NCK1: variants seen among roughly 807,000 people sequenced by gnomAD.
NCK1 encodes the protein NCK adaptor protein 1.
Under a neutral mutation model 36.6 loss-of-function variants are expected in NCK1, and 19 were observed. That is an observed-to-expected ratio of 0.52 (90% confidence interval 0.36 to 0.76). The LOEUF (loss-of-function observed/expected upper bound fraction) is 0.76. Ranked by LOEUF, NCK1 falls within the 30% of genes least tolerant of loss-of-function variation. The probability of loss-of-function intolerance (pLI) is 0.00; values close to 1 mark genes in which losing one functional copy is unlikely to be tolerated. For missense variants in NCK1, 358 were observed against 445.6 expected (o/e 0.80, Z 1.77); for synonymous variants, 165 against 156.0 (o/e 1.06, Z -0.43).
At position 136,949,819 on chromosome 3, in the gene NCK1, T is replaced by C. The variant is rs1347364038; in HGVS notation, c.*1366T>C. The C allele has an allele frequency of 1.4e-5, 2 of 144,420 alleles. No homozygotes were observed. The highest frequency in any genetic ancestry group is 5.1e-5 in the African/African-American group (2 of 39,290). The allele number at this position is 144,420 out of a possible 1,614,324, so 8.9% of individuals were successfully genotyped here. On this transcript the variant is annotated 3_prime_UTR_variant, in exon 4 of 4. Coordinates refer to ENST00000481752, the MANE Select transcript of NCK1 (RefSeq NM_001291999.2). ...TACGCCAGAATTACTGATGGTAAAA[T>C]TGAAGTTGTGTAACTTGTGAATTTT...
chr3:136,945,606 C>G lies in NCK1; in HGVS notation c.250C>G (p.Pro84Ala). Reference sequence around the variant, plus strand: ...AGGCATTGGAAAAGTGAAAAGAAAACCTAGTGTGCCAGATTCTGCATCTCC... The same window carrying G: ...AGGCATTGGAAAAGTGAAAAGAAAAGCTAGTGTGCCAGATTCTGCATCTCC... ...TLGIGKVKRK[P>A]SVPDSASPAD... The change falls in exon 3 of 4, where the codon CCT becomes GCT. Residue 84 changes from proline (P) to alanine (A), a missense_variant. By Grantham distance (27) the Pro-to-Ala change is conservative. Around this residue, in one of 3 missense-constraint regions of NCK1, gnomAD observed 143 missense variants for 162.4 expected, o/e 0.88. Coordinates refer to ENST00000481752, the MANE Select transcript of NCK1 (RefSeq NM_001291999.2). 6.2e-7 allele frequency: 1 copy of G among 1,607,280 alleles called. No homozygotes were observed. The highest frequency in any genetic ancestry group is 1.1e-5 in the South Asian group (1 of 90,096).
intron 1 of NCK1, chr3:136,889,387 G>C: frequency 6.5e-6 from 1 of 154,714 alleles, no homozygotes; most frequent in Non-Finnish European, 1.4e-5. Flanking sequence ...CCTTCTGGTG[G>C]AATCGTGATC....
intron 1 of NCK1, among the ~76,000 whole-genome samples, chr3:136,881,579 T>A (rs1205711036): frequency 6.6e-6 from 1 of 152,206 alleles, no homozygotes; most frequent in Non-Finnish European, 1.5e-5. Flanking sequence ...ATTTTAAGTA[T>A]ACAGTTCAGT....
intron 1 of NCK1, among the ~76,000 whole-genome samples, chr3:136,898,771 A>G (rs1298118594): frequency 2.0e-5 from 3 of 152,246 alleles, no homozygotes; most frequent in African/African-American, 7.2e-5. Context: ...AAGGCACATC[A>G]TGTAACTAGA....
intron 1 of NCK1, among the ~76,000 whole-genome samples, chr3:136,924,691 A>G (rs1028864857): frequency 6.6e-6 from 1 of 152,200 alleles, no homozygotes; most frequent in Non-Finnish European, 1.5e-5. Flanking sequence ...CATCAGAAAC[A>G]TTGTGAGTAG....
At chr3:136,894,532 T>C (rs1242482364) in intron 1 of NCK1, among the ~76,000 whole-genome samples, 3 of 152,192 alleles carry the variant, frequency 2.0e-5, no homozygotes, top group African/African-American at 4.8e-5. Flanking sequence ...GCCATGGTCA[T>C]GTGCTTAATG....
At chr3:136,902,719 G>A (rs954557586) in intron 1 of NCK1, among the ~76,000 whole-genome samples, 5 of 150,496 alleles carry the variant, frequency 3.3e-5, no homozygotes, top group African/African-American at 1.2e-4. Flanking sequence ...GACCAATCAG[G>A]CAAGAGGGAA....
intron 1 of NCK1, among the ~76,000 whole-genome samples, chr3:136,892,756 TAATA>T (rs1939281836): frequency 6.6e-6 from 1 of 152,166 alleles, no homozygotes; most frequent in African/African-American, 2.4e-5. Context: ...ATTAGGCAAT[TAATA>T]CAACTAGAAT....
chr3:136,907,128 C>T lies in NCK1; in HGVS notation c.-18-20856C>T, dbSNP rs116716680. Among the ~76,000 whole-genome samples, 1,135 of 152,270 alleles carry T rather than the reference C, an allele frequency of 7.5e-3. 18 individuals are homozygous for T. Among genetic ancestry groups the T allele is most frequent in the African/African-American group, 0.026 (1,080 of 41,566 alleles). On this transcript the variant is annotated intron_variant, in intron 1 of 3. Coordinates refer to ENST00000481752, the MANE Select transcript of NCK1 (RefSeq NM_001291999.2). ...GTGGCTTGCAGGGTCACATACTTTG[C>T]TTGTGCCTTGCTCCTGCTGCTGCAG...
chr3:136,893,189 T>TACACACACACACACAC (rs1487055285), intron 1 of NCK1, among the ~76,000 whole-genome samples: 33 of 123,070 alleles, frequency 2.7e-4, no homozygotes, highest in Middle Eastern at 4.4e-3. Context: ...TATATATATA[T>TACACACACACACACAC]ATACACACAT....
intron 2 of NCK1, among the ~76,000 whole-genome samples, chr3:136,932,158 A>G (rs2081309848): frequency 6.6e-6 from 1 of 151,976 alleles, no homozygotes; most frequent in Non-Finnish European, 1.5e-5. Flanking sequence ...TATCATTGAT[A>G]CAGTGATTCA....
chr3:136,907,746 A>G (rs1273451826), intron 1 of NCK1, among the ~76,000 whole-genome samples: 1 of 152,242 alleles, frequency 6.6e-6, no homozygotes, highest in East Asian at 1.9e-4. Flanking sequence ...GTAGTCAGCC[A>G]TCTTGAAGTT....
At chr3:136,894,147 T>C (rs1374898353) in intron 1 of NCK1, among the ~76,000 whole-genome samples, 3 of 152,324 alleles carry the variant, frequency 2.0e-5, no homozygotes, top group Non-Finnish European at 2.9e-5. Context: ...TTCATCAGTA[T>C]GAGAAGCCCA....
chr3:136,923,046 G>A (rs756285931), intron 1 of NCK1, among the ~76,000 whole-genome samples: 41 of 152,090 alleles, frequency 2.7e-4, no homozygotes, highest in Admixed American at 1.0e-3. Flanking sequence ...ATGATCTTAA[G>A]GATAGATTGT....
chr3:136,866,946 CT>C (rs1938431856), intron 1 of NCK1, among the ~76,000 whole-genome samples: 2 of 151,456 alleles, frequency 1.3e-5, no homozygotes, highest in African/African-American at 4.9e-5. Context: ...TTTTTTTCTC[CT>C]AAATTACCAA....
chr3:136,884,741 G>A (rs1939032241), intron 1 of NCK1, among the ~76,000 whole-genome samples: 1 of 142,036 alleles, frequency 7.0e-6, no homozygotes, highest in Non-Finnish European at 1.5e-5. Flanking sequence ...CTTTTTTTGA[G>A]AGGGAGTCTC....
At chr3:136,923,732 A>T (rs1267819388) in intron 1 of NCK1, among the ~76,000 whole-genome samples, 1 of 152,232 alleles carries the variant, frequency 6.6e-6, no homozygotes, top group African/African-American at 2.4e-5. Context: ...ATTAAACATA[A>T]TGTTCAAACA....
At chr3:136,864,061 A>G (rs990528140) in intron 1 of NCK1, among the ~76,000 whole-genome samples, 3 of 151,686 alleles carry the variant, frequency 2.0e-5, no homozygotes, top group Non-Finnish European at 4.4e-5. Context: ...AGATCGCGCC[A>G]CTGCACTCCA....
chr3:136,876,931 A>G lies in NCK1; in HGVS notation c.-19+14578A>G, dbSNP rs1010037800. Among the ~76,000 whole-genome samples the G allele has an allele frequency of 1.4e-4, 22 of 152,330 alleles. 1 individual carries two copies. Among genetic ancestry groups the G allele is most frequent in the East Asian group, 1.9e-4 (1 of 5,188 alleles). ...TGTTGCTGACTGTTGCCAAACTGCT[A>G]TTTAGAAAAGACATTCCAATTTACA... On this transcript the variant is annotated intron_variant, in intron 1 of 3. Coordinates refer to ENST00000481752, the MANE Select transcript of NCK1 (RefSeq NM_001291999.2).
Sources: gnomAD v4.1 joint callset for allele counts (sites outside exome capture counted in the v4.1 genomes callset) on GRCh38, gnomAD v4.1.1 for gene constraint, gnomAD v4.1.1 regional missense constraint, MANE v1.5 for transcripts, NCBI Gene and HGNC (gene_info 2026-07-23, HGNC 2026-07-21) for gene names.